Variants in GOLGB1 observed in about 807,000 individuals in gnomAD.
The protein encoded by GOLGB1 is golgin subfamily B member 1.
In GOLGB1, 174 loss-of-function variants were observed where a neutral mutation model predicts 336.9. The observed-to-expected ratio is 0.52, with a 90% CI of 0.46 to 0.59. The LOEUF is 0.59. GOLGB1 is among the 20% of genes least tolerant of loss of function. The pLI, the probability that GOLGB1 is intolerant of heterozygous loss-of-function variation, is 0.00. For synonymous variants in GOLGB1, 1,208 were observed against 1,289.2 expected (o/e 0.94, Z 1.35); for missense variants, 3,331 against 3,645.3 (o/e 0.91, Z 2.22).
Position 121,690,843 on chromosome 3 carries a change from T to G in GOLGB1, c.8521A>C (p.Lys2841Gln), listed in dbSNP as rs372655931. ...TCATTCTGCAGACTGGCCATAGCCT[T>G]GGAAAAGGACTGCACTTGGTTATAA... ...DSYNQVQSFS[K>Q]AMASLQNERD... Residue 2841 changes from lysine (K) to glutamine (Q), a missense_variant, in exon 14 of 22, where the codon AAG becomes CAG. Lys to Gln is a moderately conservative substitution (Grantham distance 53). Transcript: ENST00000614479. 5 of 1,612,832 alleles carry G rather than the reference T, an allele frequency of 3.1e-6. No individual in the cohort carries two copies. Among genetic ancestry groups the G allele is most frequent in the African/African-American group, 1.3e-5 (1 of 74,868 alleles).
At position 121,668,047 on chromosome 3, in the gene GOLGB1, A is replaced by T. The variant is rs746678875; in HGVS notation, c.9419+14T>A. 6 of 1,445,506 alleles carry T rather than the reference A, an allele frequency of 4.2e-6. No homozygotes were observed. The African/African-American group carries it at 8.6e-5, about 21-fold the overall frequency. 89.5% of individuals were successfully genotyped at this position (1,445,506 alleles called of 1,614,324 possible). ...CTGGTGTATGCTCCAGGGTTTAGAG[A>T]GCCACTCCCCTACCTTTGCTGCGGT... On this transcript the variant is annotated intron_variant, in intron 19 of 21. Coordinates refer to ENST00000614479, the MANE Select transcript of GOLGB1 (RefSeq NM_001366282.2).
In GOLGB1 at chr3:121,716,847, C is replaced by T. The variant is rs1348627469; in HGVS notation, c.1178G>A (p.Gly393Glu). Residue 393 changes from glycine (G) to glutamate (E), a missense_variant, in exon 9 of 22, where the codon GGA (glycine) becomes GAA (glutamate). By Grantham distance (98) the Gly-to-Glu change is moderately conservative (BLOSUM62 -2). Coordinates refer to ENST00000614479, the MANE Select transcript of GOLGB1 (RefSeq NM_001366282.2). ...ATCACAGGCAGACTGCAGCTCTTGT[C>T]CAGTCTTTTGAAGACTCAAAATATG... ...TSHILSLQKT[G>E]QELQSACDAL... is the part of the protein sequence containing the mutation. 3.1e-6 allele frequency: 5 copies of T among 1,612,882 alleles called. No homozygotes were observed. The highest frequency in any genetic ancestry group is 2.2e-5 in the South Asian group (2 of 91,054).
chr3:121,668,983 AC>A (rs1939108761), intron 18 of GOLGB1, among the ~76,000 whole-genome samples: 1 of 151,946 alleles, frequency 6.6e-6, no homozygotes, highest in South Asian at 2.1e-4. Context: ...ACTGTTTCCT[AC>A]TCATGTTTTG....
chr3:121,685,324 C>T (rs1941598467), intron 14 of GOLGB1, among the ~76,000 whole-genome samples: 1 of 152,046 alleles, frequency 6.6e-6, no homozygotes. Context: ...ATCACGAGGT[C>T]AAAAGATTGA....
At position 121,698,494 on chromosome 3, in the gene GOLGB1, G is replaced by A; in HGVS notation, c.2029C>T (p.Leu677Phe). The A allele has an allele frequency of 6.2e-7, 1 of 1,613,584 alleles. No individual in the cohort carries two copies. Among genetic ancestry groups the A allele is most frequent in the Non-Finnish European group, 8.5e-7 (1 of 1,179,668 alleles). ...TGACCAATATCTGGTACAGCAGAAA[G>A]GGATTTATCACCATCCTGCTTTGTT... Reference protein sequence around the residue: ...KSTKQDGDKSLSAVPDIGQCH... With the variant: ...KSTKQDGDKSFSAVPDIGQCH... The change falls in exon 13 of 22, where the codon CTT becomes TTT. Residue 677 changes from leucine to phenylalanine, a missense_variant. Physicochemically the swap from Leu to Phe is conservative, Grantham distance 22 (BLOSUM62 0). Coordinates refer to ENST00000614479, the MANE Select transcript of GOLGB1 (RefSeq NM_001366282.2).
At chr3:121,722,217 C>T (rs1485072314) in intron 6 of GOLGB1, 45 bp downstream of exon 6, 2 of 1,048,994 alleles carry the variant, frequency 1.9e-6, no homozygotes, top group South Asian at 1.3e-5. Context: ...CGTAATAACC[C>T]ACTGGACTTC....
intron 17 of GOLGB1, among the ~76,000 whole-genome samples, chr3:121,676,619 A>G (rs977108048): frequency 6.6e-6 from 1 of 152,192 alleles, no homozygotes; most frequent in African/African-American, 2.4e-5. Flanking sequence ...CAAGTGATAC[A>G]GGTCAGGGGG....
At chr3:121,690,039 C>T (rs899449000) in intron 14 of GOLGB1, among the ~76,000 whole-genome samples, 3 of 152,200 alleles carry the variant, frequency 2.0e-5, no homozygotes, top group African/African-American at 7.2e-5. Flanking sequence ...ATTAGGAAGC[C>T]TCTTTAGCTT....
chr3:121,719,435 G>A (rs961588950), intron 7 of GOLGB1, among the ~76,000 whole-genome samples: 2 of 152,088 alleles, frequency 1.3e-5, no homozygotes, highest in African/African-American at 2.4e-5. Flanking sequence ...CAGCTTTTGA[G>A]CACCAACAAC....
At chr3:121,739,465 T>A (rs1946706419) in intron 1 of GOLGB1, among the ~76,000 whole-genome samples, 1 of 151,442 alleles carries the variant, frequency 6.6e-6, no homozygotes, top group African/African-American at 2.4e-5. Context: ...ACATAAGATG[T>A]GAAAAAATAA....
At chr3:121,739,356 G>A (rs907873985) in intron 1 of GOLGB1, among the ~76,000 whole-genome samples, 8 of 151,906 alleles carry the variant, frequency 5.3e-5, no homozygotes, top group Non-Finnish European at 1.0e-4. Context: ...ATAACATCCC[G>A]ACAGAAAATG....
rs1284184600 is a variant in GOLGB1, at chr3:121,669,353, G to C, written c.9180C>G (p.Phe3060Leu). Residue 3060 changes from phenylalanine (F) to leucine (L), a missense_variant and splice_region_variant, in exon 18 of 22, where the codon TTC (phenylalanine) becomes TTG (leucine). By Grantham distance (22) the Phe-to-Leu change is conservative. Transcript: ENST00000614479. ...ELRIQQLNSN[F>L]SQLLEEKNTL... ...TGTTTTTCTCTTCCAGTAGCTGAGA[G>C]AACTGAAACAGAGGCGAGGATAAGC... 3.7e-6 allele frequency: 6 copies of C among 1,613,448 alleles called. No homozygotes were observed. The highest frequency in any genetic ancestry group is 5.1e-6 in the Non-Finnish European group (6 of 1,179,372).
intron 10 of GOLGB1, among the ~76,000 whole-genome samples, chr3:121,711,440 T>C (rs188857187): frequency 1.3e-5 from 2 of 152,166 alleles, no homozygotes; most frequent in South Asian, 2.1e-4. Context: ...TGGTAAATTA[T>C]GGAACACTTT....
chr3:121,732,624 T>A (rs544760848), intron 1 of GOLGB1, among the ~76,000 whole-genome samples: 16 of 152,274 alleles, frequency 1.1e-4, no homozygotes, highest in Admixed American at 2.6e-4. Context: ...CCACATAATG[T>A]CAATAGATTG....
intron 4 of GOLGB1, among the ~76,000 whole-genome samples, chr3:121,727,291 CACAT>C (rs1351089752): frequency 2.2e-4 from 11 of 51,140 alleles, no homozygotes; most frequent in South Asian, 7.8e-4. Context: ...TACACACACA[CACAT>C]ATATATATAT....
intron 14 of GOLGB1, among the ~76,000 whole-genome samples, chr3:121,687,482 G>A (rs1243131456): frequency 6.6e-6 from 1 of 152,174 alleles, no homozygotes; most frequent in Non-Finnish European, 1.5e-5. Context: ...AAGTGTTAGA[G>A]CTTATCTTAG....
intron 5 of GOLGB1, among the ~76,000 whole-genome samples, chr3:121,723,842 T>C (rs575976258): frequency 3.3e-5 from 5 of 152,144 alleles, no homozygotes; most frequent in Non-Finnish European, 7.4e-5. Context: ...TCCTTCCAAA[T>C]AGAGGTTTAG....
At chr3:121,721,710 T>C (rs1354941499) in intron 6 of GOLGB1, among the ~76,000 whole-genome samples, 1 of 152,042 alleles carries the variant, frequency 6.6e-6, no homozygotes, top group Non-Finnish European at 1.5e-5. Context: ...CCAATCCAAA[T>C]GGTCTGGTCT....
chr3:121,696,061 T>G lies in GOLGB1; in HGVS notation c.4462A>C (p.Arg1488=). 2.5e-6 allele frequency: 4 copies of G among 1,613,984 alleles called. No homozygotes were observed. The highest frequency in any genetic ancestry group is 3.4e-6 in the Non-Finnish European group (4 of 1,180,000). Residue 1488 remains arginine (R), a synonymous_variant, in exon 13 of 22, where the codon AGG becomes CGG. Coordinates refer to ENST00000614479, the MANE Select transcript of GOLGB1 (RefSeq NM_001366282.2). ...GAAATAAGGGCAGCTTGCAGTTTCC[T>G]TTGTATTTGTTGCTTTGCTCTACTT... ...EESRAKQQIQ[R]KLQAALISRK... is the part of the protein sequence containing the mutation.
Sources: gnomAD v4.1 joint callset for allele counts (sites outside exome capture counted in the v4.1 genomes callset) on GRCh38, gnomAD v4.1.1 for gene constraint, MANE v1.5 for transcripts, NCBI Gene and HGNC (gene_info 2026-07-23, HGNC 2026-07-21) for gene names.